The following MYO1D variants were observed in gnomAD, a reference collection of about 807,000 sequenced individuals.
MYO1D encodes the protein unconventional myosin-Id.
MYO1D carries 83 observed loss-of-function variants against 122.0 expected under a neutral mutation model. That is an observed-to-expected ratio of 0.68 (90% CI 0.57 to 0.82). The LOEUF is 0.82. Ranked by LOEUF, MYO1D falls within the 40% of genes least tolerant of loss-of-function variation. The probability of loss-of-function intolerance (pLI) is 0.00; values close to 1 mark genes in which losing one functional copy is unlikely to be tolerated. For synonymous variants in MYO1D, 464 were observed against 446.9 expected, an observed-to-expected ratio of 1.04 and a Z score of -0.48; for missense variants, 1,157 against 1,269.5, an observed-to-expected ratio of 0.91 and a Z score of 1.35.
chr17:32,576,547 G>C (rs1400372159), intron 21 of MYO1D, among the ~76,000 whole-genome samples: 1 of 152,226 alleles, frequency 6.6e-6, no homozygotes, highest in Non-Finnish European at 1.5e-5. Context: ...TATGATGGTA[G>C]TCCATGTGCC....
intron 21 of MYO1D, among the ~76,000 whole-genome samples, chr17:32,601,445 G>T (rs899441079): frequency 1.3e-5 from 2 of 152,174 alleles, no homozygotes; most frequent in African/African-American, 4.8e-5. Flanking sequence ...TAAGTCTGTT[G>T]TCCTACATGG....
chr17:32,860,648 T>C (rs931175260), intron 1 of MYO1D, among the ~76,000 whole-genome samples: 1 of 152,206 alleles, frequency 6.6e-6, no homozygotes, highest in Non-Finnish European at 1.5e-5. Context: ...AATTGAAGAG[T>C]TGCTACTTGA....
chr17:32,659,025 G>A, intron 17 of MYO1D, 90 bp downstream of exon 17: 1 of 1,196,600 alleles, frequency 8.4e-7, no homozygotes, highest in Non-Finnish European at 1.2e-6. Flanking sequence ...GCAAATAGCT[G>A]AGTCAATATC....
chr17:32,801,288 AC>A (rs1398713051), intron 1 of MYO1D, among the ~76,000 whole-genome samples: 1 of 152,234 alleles, frequency 6.6e-6, no homozygotes, highest in African/African-American at 2.4e-5. Context: ...TCCAGGAAAT[AC>A]TTTGTCTCAA....
chr17:32,614,072 A>ATTT lies in MYO1D; in HGVS notation c.2710-8834_2710-8832dup, dbSNP rs527897976. Among the ~76,000 whole-genome samples, 442 of 126,594 alleles carry ATTT rather than the reference A, an allele frequency of 3.5e-3. 1 individual carries two copies. The highest frequency in any genetic ancestry group is 8.3e-3 in the Middle Eastern group (2 of 242). The allele number at this position is 126,594 out of a possible 152,430, so 83.1% of individuals were successfully genotyped here. On this transcript the variant is annotated intron_variant, in intron 20 of 21. Coordinates refer to ENST00000318217, the MANE Select transcript of MYO1D (RefSeq NM_015194.3). ...ATTTCATCACTATAATAATGTTTTA[A>ATTT]TTTTTTTTTTTTTTTTTTTTTTAAC...
chr17:32,647,658 T>C (rs1335350224), intron 19 of MYO1D, among the ~76,000 whole-genome samples: 1 of 151,742 alleles, frequency 6.6e-6, no homozygotes, highest in Non-Finnish European at 1.5e-5. Flanking sequence ...TCCTTTGTTA[T>C]ATTTACAAAC....
rs138490849 is a variant in MYO1D at position 32,576,424 on chromosome 17, G to A, written c.2864+28663C>T. Reference sequence around the variant, plus strand: ...TAACTGTAATCTCTTATAAAAGGACGGTGACAAGGTTTTTAAAGCAGTACA... The same window carrying A: ...TAACTGTAATCTCTTATAAAAGGACAGTGACAAGGTTTTTAAAGCAGTACA... On this transcript the variant is annotated intron_variant, in intron 21 of 21. Transcript: ENST00000318217. Among the ~76,000 whole-genome samples, 51 of 152,156 alleles carry A rather than the reference G, an allele frequency of 3.4e-4. No individual in the cohort carries two copies. The East Asian group carries it at 5.0e-3, about 15-fold the overall frequency.
chr17:32,702,939 A>G (rs1738756474), intron 16 of MYO1D, among the ~76,000 whole-genome samples: 1 of 152,226 alleles, frequency 6.6e-6, no homozygotes, highest in Non-Finnish European at 1.5e-5. Flanking sequence ...TTAAATTTCC[A>G]AAGAGTTGAC....
intron 21 of MYO1D, among the ~76,000 whole-genome samples, chr17:32,535,153 G>T (rs1001890224): frequency 1.3e-5 from 2 of 152,118 alleles, no homozygotes; most frequent in East Asian, 1.9e-4. Flanking sequence ...TCTATTAGAG[G>T]TTCTTTTTCA....
At chr17:32,627,158 C>A (rs2087939239) in intron 20 of MYO1D, among the ~76,000 whole-genome samples, 2 of 152,018 alleles carry the variant, frequency 1.3e-5, no homozygotes, top group Non-Finnish European at 2.9e-5. Context: ...AAATTTATTA[C>A]CTAAATAAAT....
chr17:32,726,699 C>T (rs1302250569), intron 14 of MYO1D, among the ~76,000 whole-genome samples: 1 of 148,718 alleles, frequency 6.7e-6, no homozygotes, highest in Admixed American at 6.7e-5. Context: ...GATATAACAT[C>T]TATATCTAAT....
intron 16 of MYO1D, among the ~76,000 whole-genome samples, chr17:32,704,512 A>T (rs1220976523): frequency 1.3e-5 from 2 of 152,142 alleles, no homozygotes; most frequent in African/African-American, 4.8e-5. Context: ...GGGTATAGAA[A>T]ACCTTAACAG....
rs1908964784 is a variant in MYO1D at position 32,493,487 on chromosome 17, T to TGGGC, written c.*1271_*1272insGCCC. The TGGGC allele has an allele frequency of 2.0e-5, 3 of 152,386 alleles. No individual in the cohort carries two copies. The highest frequency in any genetic ancestry group is 4.4e-5 in the Non-Finnish European group (3 of 68,188). The allele number at this position is 152,386 out of a possible 1,614,324, so 9.4% of individuals were successfully genotyped here. On this transcript the variant is annotated 3_prime_UTR_variant, in exon 22 of 22. Coordinates refer to ENST00000318217, the MANE Select transcript of MYO1D (RefSeq NM_015194.3). ...ACCTCTGCCCACTCCACCTGAGGCGTTGGCTCCCTCCCCCTCATCCTCTCA... is the reference window on the plus strand; with the variant it reads ...ACCTCTGCCCACTCCACCTGAGGCGTGGGCTGGCTCCCTCCCCCTCATCCTCTCA...
intron 20 of MYO1D, among the ~76,000 whole-genome samples, chr17:32,623,247 A>T (rs981079053): frequency 3.3e-5 from 5 of 152,238 alleles, no homozygotes; most frequent in African/African-American, 1.2e-4. Flanking sequence ...CAATAAAATG[A>T]AATCCTTCTA....
At chr17:32,704,763 T>G (rs138847632) in intron 16 of MYO1D, among the ~76,000 whole-genome samples, 4 of 152,160 alleles carry the variant, frequency 2.6e-5, no homozygotes, top group African/African-American at 7.2e-5. Context: ...AGTAGACTGA[T>G]TGAGGAAATG....
rs947616273 is a variant in MYO1D, at chr17:32,528,665, C to G, written c.2865-33750G>C. ...GGATTATCCAGGTGGACCCTAGATA[C>G]AATCACAAGTATTCTTTTAAAAGAG... On this transcript the variant is annotated intron_variant, in intron 21 of 21. Transcript: ENST00000318217. Among the ~76,000 whole-genome samples the G allele has an allele frequency of 3.9e-5, 6 of 152,224 alleles. No individual in the cohort carries two copies. The South Asian group carries it at 8.3e-4, about 21-fold the overall frequency.
chr17:32,718,780 G>A (rs1046976353), intron 15 of MYO1D, among the ~76,000 whole-genome samples: 19 of 152,070 alleles, frequency 1.2e-4, no homozygotes, highest in African/African-American at 4.6e-4. Context: ...ATTGGTTGCT[G>A]CTTCTCTTAT....
At chr17:32,501,089 G>T (rs539768682) in intron 21 of MYO1D, among the ~76,000 whole-genome samples, 9 of 151,762 alleles carry the variant, frequency 5.9e-5, no homozygotes, top group African/African-American at 2.2e-4. Context: ...ATCACCCAGC[G>T]ATTCCACTCC....
At chr17:32,843,740 T>A (rs2090907251) in intron 1 of MYO1D, among the ~76,000 whole-genome samples, 1 of 152,158 alleles carries the variant, frequency 6.6e-6, no homozygotes, top group African/African-American at 2.4e-5. Context: ...ATACACAAAC[T>A]CATTCAGCCA....
Sources: gnomAD v4.1 joint callset for allele counts (sites outside exome capture counted in the v4.1 genomes callset) on GRCh38, gnomAD v4.1.1 for gene constraint, MANE v1.5 for transcripts, NCBI Gene and HGNC (gene_info 2026-07-23, HGNC 2026-07-21) for gene names.